The following CLSTN2 variants were observed in gnomAD, a reference collection of about 807,000 sequenced individuals.
CLSTN2 encodes calsyntenin 2, also known as calsyntenin-2.
Under a neutral mutation model 101.2 loss-of-function variants are expected in CLSTN2, and 48 were observed. That is an observed-to-expected ratio of 0.47 (90% CI 0.38 to 0.60). The LOEUF (loss-of-function observed/expected upper bound fraction) is 0.60. Ranked by LOEUF, CLSTN2 falls within the 20% of genes least tolerant of loss-of-function variation. CLSTN2 has a pLI of 0.00. For synonymous variants in CLSTN2, 481 were observed against 463.6 expected, an observed-to-expected ratio of 1.04 and a Z score of -0.48; for missense variants, 1,160 against 1,238.2, an observed-to-expected ratio of 0.94 and a Z score of 0.95.
chr3:140,387,082 A>G (rs77508231), intron 2 of CLSTN2, among the ~76,000 whole-genome samples: 7,097 of 152,248 alleles, frequency 0.047, 564 homozygotes, highest in African/African-American at 0.16. Context: ...CTGTGAAGTC[A>G]GGGAGATGAG....
At chr3:140,300,837 A>G (rs1159053831) in intron 2 of CLSTN2, among the ~76,000 whole-genome samples, 3 of 152,136 alleles carry the variant, frequency 2.0e-5, no homozygotes, top group East Asian at 3.9e-4. Context: ...GAGATTTACT[A>G]TGAAGAACTG....
chr3:140,499,714 C>G lies in CLSTN2; in HGVS notation c.1345-32610C>G, dbSNP rs1055521581. ...TTCTCTGATTGCCCTGCCCTGATAC[C>G]TGAAGTTCTGCCTCTTGTTATGCAT... On this transcript the variant is annotated intron_variant, in intron 8 of 16. Transcript: ENST00000458420. Among the ~76,000 whole-genome samples the G allele has an allele frequency of 5.1e-4, 78 of 152,232 alleles. 1 individual carries two copies. The highest frequency in any genetic ancestry group is 1.8e-3 in the African/African-American group (75 of 41,528).
At chr3:140,238,964 T>A (rs144029091) in intron 2 of CLSTN2, among the ~76,000 whole-genome samples, 6 of 152,300 alleles carry the variant, frequency 3.9e-5, no homozygotes, top group African/African-American at 1.4e-4. Context: ...AAAAGGAAAG[T>A]TAGATTGCTC....
intron 1 of CLSTN2, among the ~76,000 whole-genome samples, chr3:140,114,285 T>G (rs1360123506): frequency 1.3e-5 from 2 of 152,212 alleles, no homozygotes; most frequent in African/African-American, 4.8e-5. Flanking sequence ...GCTTTGCATA[T>G]GTTGTTTCTT....
chr3:140,564,268 C>G lies in CLSTN2; in HGVS notation c.2667+123C>G, dbSNP rs1576379952. The G allele has an allele frequency of 1.3e-5, 10 of 787,582 alleles. No homozygotes were observed. The East Asian group carries it at 2.5e-4, about 20-fold the overall frequency. The allele number at this position is 787,582 out of a possible 1,614,324, so 48.8% of individuals were successfully genotyped here. On this transcript the variant is annotated intron_variant, in intron 16 of 16. Transcript: ENST00000458420. ...TCTGGAAGCCCTGCCCCATCTAGTC[C>G]AGCTCCACTGATTCTTCCTGTCTCT...
chr3:140,536,418 C>CATG (rs1473481607), intron 9 of CLSTN2, among the ~76,000 whole-genome samples: 1 of 152,182 alleles, frequency 6.6e-6, no homozygotes, highest in Non-Finnish European at 1.5e-5. Flanking sequence ...AAGACCATAG[C>CATG]ATGATCTAGT....
chr3:140,040,769 TAA>T (rs2007746385), intron 1 of CLSTN2, among the ~76,000 whole-genome samples: 3 of 152,104 alleles, frequency 2.0e-5, no homozygotes, highest in Non-Finnish European at 2.9e-5. Flanking sequence ...AGAAAAAGAA[TAA>T]AGTCTTGGCT....
chr3:140,313,959 G>A (rs1047048712), intron 2 of CLSTN2, among the ~76,000 whole-genome samples: 1 of 152,140 alleles, frequency 6.6e-6, no homozygotes, highest in Non-Finnish European at 1.5e-5. Flanking sequence ...AGTTCCTCTG[G>A]TAGCCACAAG....
intron 2 of CLSTN2, among the ~76,000 whole-genome samples, chr3:140,177,420 C>A (rs148477128): frequency 6.6e-6 from 1 of 152,124 alleles, no homozygotes. Flanking sequence ...TTATCAGCAA[C>A]CTCCGGAAAT....
At position 140,404,861 on chromosome 3, in the gene CLSTN2, G is replaced by A. The variant is rs146135578; in HGVS notation, c.637+95G>A. The A allele has an allele frequency of 5.7e-4, 599 of 1,051,842 alleles. 1 individual carries two copies. Among genetic ancestry groups the A allele is most frequent in the Admixed American group, 1.4e-3 (74 of 53,294 alleles). The allele number at this position is 1,051,842 out of a possible 1,614,324, so 65.2% of individuals were successfully genotyped here. ...CATGGGCTCTGAATATGCTTGGCAA[G>A]TTATGCCTTTCTTGCCATGTTTGGT... On this transcript the variant is annotated intron_variant, in intron 4 of 16. Transcript: ENST00000458420.
chr3:140,490,528 C>T (rs1041236740), intron 8 of CLSTN2, among the ~76,000 whole-genome samples: 7 of 147,358 alleles, frequency 4.8e-5, no homozygotes, highest in African/African-American at 1.5e-4. Flanking sequence ...TGTGACACAT[C>T]GGGCTGCAGT....
intron 10 of CLSTN2, among the ~76,000 whole-genome samples, chr3:140,550,577 G>A (rs1311291594): frequency 6.6e-5 from 10 of 152,146 alleles, no homozygotes; most frequent in African/African-American, 1.4e-4. Flanking sequence ...TTGCATCTGC[G>A]TAGATCTTCT....
intron 2 of CLSTN2, among the ~76,000 whole-genome samples, chr3:140,362,358 A>G (rs944352271): frequency 1.3e-5 from 2 of 152,190 alleles, no homozygotes; most frequent in Non-Finnish European, 2.9e-5. Context: ...AATAAAACCT[A>G]TAGACTAAAA....
At chr3:140,357,016 G>A (rs573713332) in intron 2 of CLSTN2, among the ~76,000 whole-genome samples, 1 of 151,990 alleles carries the variant, frequency 6.6e-6, no homozygotes, top group Non-Finnish European at 1.5e-5. Flanking sequence ...GGGCCACAGG[G>A]ATAGTACAAA....
chr3:140,117,080 G>A (rs148689678), intron 1 of CLSTN2, among the ~76,000 whole-genome samples: 86 of 152,262 alleles, frequency 5.6e-4, no homozygotes, highest in Middle Eastern at 3.4e-3. Flanking sequence ...GCACTGTGGC[G>A]TTTCCTGTGT....
At chr3:140,461,877 G>A (rs1427136936) in intron 7 of CLSTN2, among the ~76,000 whole-genome samples, 1 of 151,506 alleles carries the variant, frequency 6.6e-6, no homozygotes, top group African/African-American at 2.4e-5. Flanking sequence ...GAGAAAGTGG[G>A]AAGATATTTC....
chr3:140,439,613 A>T (rs1168907479), intron 5 of CLSTN2, among the ~76,000 whole-genome samples: 1 of 152,172 alleles, frequency 6.6e-6, no homozygotes, highest in Non-Finnish European at 1.5e-5. Context: ...TATACAGAAA[A>T]ATTGAAGCCA....
At chr3:139,943,914 C>T (rs1935176857) in intron 1 of CLSTN2, among the ~76,000 whole-genome samples, 1 of 152,178 alleles carries the variant, frequency 6.6e-6, no homozygotes, top group Non-Finnish European at 1.5e-5. Context: ...CAGCCATACC[C>T]CTTCTGATAA....
chr3:140,168,315 T>G (rs2010163916), intron 1 of CLSTN2, among the ~76,000 whole-genome samples: 1 of 152,160 alleles, frequency 6.6e-6, no homozygotes, highest in Non-Finnish European at 1.5e-5. Context: ...ATTTGCTGTT[T>G]ATATATTTAT....
Sources: allele counts gnomAD v4.1 joint callset (sites outside exome capture counted in the v4.1 genomes callset), GRCh38; gene constraint gnomAD v4.1.1; transcripts MANE v1.5; gene names NCBI Gene and HGNC (gene_info 2026-07-23, HGNC 2026-07-21).